The following WWOX variants were observed in gnomAD, a reference collection of about 807,000 sequenced individuals.
WWOX encodes the protein WW domain-containing oxidoreductase.
A neutral mutation model predicts 46.2 loss-of-function variants in WWOX; 69 were observed. That is an observed-to-expected ratio of 1.49 (90% CI 1.23 to 1.82). WWOX has a LOEUF of 1.82. WWOX is among the 40% of genes most tolerant of loss of function. WWOX has a pLI of 0.00. For missense variants in WWOX, 919 were observed against 542.6 expected, an observed-to-expected ratio of 1.69 and a Z score of -6.89; for synonymous variants, 359 against 202.6, an observed-to-expected ratio of 1.77 and a Z score of -6.56.
At chr16:78,518,462 C>G (rs180813770) in intron 8 of WWOX, among the ~76,000 whole-genome samples, 1 of 152,140 alleles carries the variant, frequency 6.6e-6, no homozygotes, top group Non-Finnish European at 1.5e-5. Context: ...CTCAAGTGAT[C>G]TGTCCGCCTC....
At chr16:79,206,131 A>G (rs1041476743) in intron 8 of WWOX, 16 of 152,224 alleles carry the variant, frequency 1.1e-4, no homozygotes, top group African/African-American at 3.9e-4. Context: ...ATCAATGGAA[A>G]AAAAAATCTC....
chr16:79,029,846 C>G (rs1431413481), intron 8 of WWOX, among the ~76,000 whole-genome samples: 1 of 152,150 alleles, frequency 6.6e-6, no homozygotes, highest in Non-Finnish European at 1.5e-5. Context: ...TGTTTACTGT[C>G]TTCAAACTTC....
At chr16:78,906,724 A>T (rs1201430086) in intron 8 of WWOX, among the ~76,000 whole-genome samples, 1 of 152,230 alleles carries the variant, frequency 6.6e-6, no homozygotes, top group Non-Finnish European at 1.5e-5. Flanking sequence ...GGATGTGCCC[A>T]GTTTAAGCTC....
intron 8 of WWOX, chr16:78,872,664 A>G (rs2044152698): frequency 6.6e-6 from 1 of 152,202 alleles, no homozygotes; most frequent in African/African-American, 2.4e-5. Flanking sequence ...GCTTGCAGCC[A>G]GTGCTCAAAA....
rs540236100 is a variant in WWOX at position 78,984,859 on chromosome 16, G to A, written c.1057-226749G>A. On this transcript the variant is annotated intron_variant, in intron 8 of 8. Transcript: ENST00000566780. ...CAGAAAGGAGAAAGACGAGGAAGAA[G>A]GGTGCATGGAGCGTGCAGGGGAAGA... Among the ~76,000 whole-genome samples, 7 of 152,322 alleles carry A rather than the reference G, an allele frequency of 4.6e-5. No individual in the cohort carries two copies. In the East Asian group the frequency reaches 1.3e-3, roughly 29 times the overall value.
rs150633339 is a variant in WWOX, at chr16:78,240,799, A to G, written c.516+76510A>G. Among the ~76,000 whole-genome samples, 4 of 152,326 alleles carry G rather than the reference A, an allele frequency of 2.6e-5. No homozygotes were observed. The East Asian group carries it at 7.7e-4, about 29-fold the overall frequency. On this transcript the variant is annotated intron_variant, in intron 5 of 8. Coordinates refer to ENST00000566780, the MANE Select transcript of WWOX (RefSeq NM_016373.4). ...GCAGGTATTGCAGGTGCAAGGATCTATATAAGACAGTGCCCTTTAGAAGAT... is the reference window on the plus strand; with the variant it reads ...GCAGGTATTGCAGGTGCAAGGATCTGTATAAGACAGTGCCCTTTAGAAGAT...
At chr16:78,321,356 A>G (rs1567499287) in intron 5 of WWOX, among the ~76,000 whole-genome samples, 34 of 54,020 alleles carry the variant, frequency 6.3e-4, no homozygotes, top group Admixed American at 1.7e-3. Context: ...ATACGTATAT[A>G]TGCGTATATA....
intron 8 of WWOX, among the ~76,000 whole-genome samples, chr16:78,728,344 A>T (rs7193634): frequency 6.6e-6 from 1 of 151,926 alleles, no homozygotes; most frequent in Admixed American, 6.6e-5. Flanking sequence ...TGCTAGGATG[A>T]TGATAGGCAG....
At chr16:78,750,540 A>C (rs1472512132) in intron 8 of WWOX, among the ~76,000 whole-genome samples, 1 of 151,670 alleles carries the variant, frequency 6.6e-6, no homozygotes, top group Non-Finnish European at 1.5e-5. Flanking sequence ...TGTTACATGG[A>C]TATCTTGCAA....
intron 8 of WWOX, among the ~76,000 whole-genome samples, chr16:78,885,142 C>T (rs905787749): frequency 1.3e-5 from 2 of 151,672 alleles, no homozygotes; most frequent in African/African-American, 4.8e-5. Context: ...AAATGGCCAG[C>T]CCTTCTACGA....
At chr16:78,364,225 A>G (rs1597104627) in intron 5 of WWOX, among the ~76,000 whole-genome samples, 1 of 151,968 alleles carries the variant, frequency 6.6e-6, no homozygotes, top group Non-Finnish European at 1.5e-5. Context: ...CTTCTGGTAT[A>G]TTTTCTTACC....
In WWOX at chr16:78,411,888, G is replaced by A. The variant is rs77551363; in HGVS notation, c.606-12982G>A. Among the ~76,000 whole-genome samples, 13 of 152,318 alleles carry A rather than the reference G, an allele frequency of 8.5e-5. No homozygotes were observed. In the East Asian group the frequency reaches 2.5e-3, roughly 29 times the overall value. ...ATCGATTAGGGGACTGTTCCCAGAGGAGAGCGGAGAGGGAAGCAGGCTTTG... is the reference window on the plus strand; with the variant it reads ...ATCGATTAGGGGACTGTTCCCAGAGAAGAGCGGAGAGGGAAGCAGGCTTTG... On this transcript the variant is annotated intron_variant, in intron 6 of 8. Coordinates refer to ENST00000566780, the MANE Select transcript of WWOX (RefSeq NM_016373.4).
intron 8 of WWOX, among the ~76,000 whole-genome samples, chr16:79,153,893 T>A (rs1354098355): frequency 6.6e-6 from 1 of 152,058 alleles, no homozygotes; most frequent in Non-Finnish European, 1.5e-5. Context: ...GCCCCTAAGG[T>A]TTGAAAGCGT....
In WWOX at chr16:78,752,824, C is replaced by T. The variant is rs536153176; in HGVS notation, c.1056+320072C>T. ...TAATTACTTAAATGGCCTGGCGAGC[C>T]GCCTTACCTAGCTGGCCAGGAATTC... is the stretch of plus-strand genomic sequence containing the variant. On this transcript the variant is annotated intron_variant, in intron 8 of 8. Transcript: ENST00000566780. Among the ~76,000 whole-genome samples, 5 of 152,304 alleles carry T rather than the reference C, an allele frequency of 3.3e-5. No homozygotes were observed. In the South Asian group the frequency reaches 6.2e-4, roughly 19 times the overall value.
At chr16:78,895,940 G>T (rs753764366) in intron 8 of WWOX, 6 of 152,064 alleles carry the variant, frequency 3.9e-5, no homozygotes, top group Admixed American at 2.0e-4. Flanking sequence ...CATGAATTTG[G>T]TCTTGACGCT....
intron 8 of WWOX, among the ~76,000 whole-genome samples, chr16:78,639,919 T>C (rs1242807026): frequency 6.6e-6 from 1 of 152,124 alleles, no homozygotes; most frequent in Non-Finnish European, 1.5e-5. Context: ...AGTGGTGATC[T>C]AATGTCAACT....
chr16:78,542,139 C>T (rs537877693), intron 8 of WWOX, among the ~76,000 whole-genome samples: 4 of 149,876 alleles, frequency 2.7e-5, no homozygotes, highest in South Asian at 2.2e-4. Flanking sequence ...AAATTTCTAT[C>T]GACACTAGAC....
chr16:79,040,685 C>G (rs998919139), intron 8 of WWOX, among the ~76,000 whole-genome samples: 1 of 152,118 alleles, frequency 6.6e-6, no homozygotes, highest in Admixed American at 6.6e-5. Context: ...CCCTCCCCAG[C>G]TACCCTGCAA....
At chr16:78,976,882 G>A (rs957450195) in intron 8 of WWOX, among the ~76,000 whole-genome samples, 2 of 152,168 alleles carry the variant, frequency 1.3e-5, no homozygotes, top group African/African-American at 4.8e-5. Flanking sequence ...AAGTATGCAC[G>A]CCGCACTCCA....
Sources: allele counts gnomAD v4.1 joint callset (sites outside exome capture counted in the v4.1 genomes callset), GRCh38; gene constraint gnomAD v4.1.1; transcripts MANE v1.5; gene names NCBI Gene and HGNC (gene_info 2026-07-23, HGNC 2026-07-21).